SLC36A1: variants seen among roughly 807,000 people sequenced by gnomAD.
SLC36A1 encodes proton-coupled amino acid transporter 1.
Under a neutral mutation model 47.5 loss-of-function variants are expected in SLC36A1, and 30 were observed. The observed-to-expected ratio is 0.63, with a 90% confidence interval of 0.47 to 0.86. SLC36A1 has a LOEUF of 0.86. Among genes scored for constraint, SLC36A1 ranks in the 40% least tolerant of loss-of-function variants. The pLI, the probability that SLC36A1 is intolerant of heterozygous loss-of-function variation, is 0.00. For synonymous variants in SLC36A1, 255 were observed against 249.7 expected (o/e 1.02, Z -0.20); for missense variants, 517 against 606.0 (o/e 0.85, Z 1.54).
chr5:151,506,004 G>A, the SLC36A1 span: 64 of 1,575,884 alleles, frequency 4.1e-5, no homozygotes, highest in Middle Eastern at 8.5e-4. Context: ...AGCCGAGGGC[G>A]GCAGAGGGCC....
At chr5:151,493,980 T>C (rs1489901710), downstream of SLC36A1, among the ~76,000 whole-genome samples, 2 of 152,206 alleles carry the variant, frequency 1.3e-5, no homozygotes, top group East Asian at 1.9e-4. Context: ...GATGTCTTGC[T>C]CACTTCCTCT....
the SLC36A1 span, chr5:151,507,694 A>G: frequency 7.8e-7 from 1 of 1,285,210 alleles, no homozygotes; most frequent in South Asian, 1.5e-5. Flanking sequence ...TGGGATAGAG[A>G]CTGCTCCCCC....
At chr5:151,468,687 C>T (rs1756928544) in intron 7 of SLC36A1, among the ~76,000 whole-genome samples, 4 of 151,814 alleles carry the variant, frequency 2.6e-5, no homozygotes, top group Non-Finnish European at 5.9e-5. Context: ...GCCAAACCTT[C>T]CTGGGGGGCA....
At chr5:151,420,476 A>G in the SLC36A1 span, among the ~76,000 whole-genome samples, 81 of 152,258 alleles carry the variant, frequency 5.3e-4, no homozygotes, top group African/African-American at 1.9e-3. Context: ...GAGACCATGC[A>G]CACTGCTGGT....
the SLC36A1 span, among the ~76,000 whole-genome samples, chr5:151,407,044 G>T: frequency 6.6e-6 from 1 of 150,604 alleles, no homozygotes; most frequent in African/African-American, 2.4e-5. Context: ...AGAGTTGTTT[G>T]TTCCTCCCAG....
At chr5:151,531,937 T>G in the SLC36A1 span, 1 of 1,614,082 alleles carries the variant, frequency 6.2e-7, no homozygotes, top group East Asian at 2.2e-5. The surrounding 1 kb of genome is among the most constrained non-coding windows in gnomAD (Gnocchi z 5.7). Flanking sequence ...TTCGGCTGAA[T>G]CCGGCAGAGA....
the SLC36A1 span, among the ~76,000 whole-genome samples, chr5:151,354,506 A>C: frequency 6.6e-6 from 1 of 152,260 alleles, no homozygotes; most frequent in East Asian, 1.9e-4. Context: ...TCTGTGTTTC[A>C]TGCATGCACA....
At chr5:151,418,213 C>T in the SLC36A1 span, among the ~76,000 whole-genome samples, 2 of 152,212 alleles carry the variant, frequency 1.3e-5, no homozygotes, top group African/African-American at 4.8e-5. Flanking sequence ...TCTGCTAGGG[C>T]AGTGAGGAAG....
At chr5:151,552,134 CT>C in the SLC36A1 span, among the ~76,000 whole-genome samples, 56 of 151,810 alleles carry the variant, frequency 3.7e-4, no homozygotes, top group African/African-American at 1.3e-3. Flanking sequence ...TGCTTATTTA[CT>C]TATTTATAGA....
At chr5:151,390,254 GTTGT>G in the SLC36A1 span, among the ~76,000 whole-genome samples, 3 of 152,146 alleles carry the variant, frequency 2.0e-5, no homozygotes, top group African/African-American at 7.2e-5. Context: ...TGTTGATGGG[GTTGT>G]TTGTTTTTTT....
the SLC36A1 span, chr5:151,534,491 G>C: frequency 6.2e-7 from 1 of 1,614,082 alleles, no homozygotes; most frequent in Non-Finnish European, 8.5e-7. Context: ...CACAGTGGCT[G>C]GGGAAGAACC....
chr5:151,385,556 G>A, the SLC36A1 span, among the ~76,000 whole-genome samples: 1 of 152,118 alleles, frequency 6.6e-6, no homozygotes. Flanking sequence ...AGTAATAGTG[G>A]CCAGGATGGG....
chr5:151,410,520 A>C, the SLC36A1 span, among the ~76,000 whole-genome samples: 3 of 143,856 alleles, frequency 2.1e-5, no homozygotes, highest in Admixed American at 6.8e-5. Flanking sequence ...TTGGTGAATA[A>C]ATTATATATG....
chr5:151,525,768 C>T, the SLC36A1 span: 1 of 1,614,182 alleles, frequency 6.2e-7, no homozygotes. Context: ...CAGCTCTCAC[C>T]TGGATCTGAA....
At chr5:151,414,787 T>C in the SLC36A1 span, 1 of 152,182 alleles carries the variant, frequency 6.6e-6, no homozygotes, top group Admixed American at 6.5e-5. Flanking sequence ...TGGGAGAAGA[T>C]TGTTTTAAAA....
the SLC36A1 span, among the ~76,000 whole-genome samples, chr5:151,395,768 AG>A: frequency 4.3e-4 from 65 of 152,288 alleles, no homozygotes; most frequent in African/African-American, 1.4e-3. Flanking sequence ...ATTATGACAT[AG>A]GAAACACTCA....
At chr5:151,542,760 G>A in the SLC36A1 span, 36 of 1,614,192 alleles carry the variant, frequency 2.2e-5, 1 homozygote, top group Admixed American at 3.3e-5. Context: ...TGTCATTGAC[G>A]TCTCCCACTT....
chr5:151,379,426 C>T, the SLC36A1 span, among the ~76,000 whole-genome samples: 39 of 152,302 alleles, frequency 2.6e-4, no homozygotes, highest in East Asian at 6.2e-3. Context: ...CTCCGCCTCC[C>T]GGGTTCAAGC....
intron 10 of SLC36A1, among the ~76,000 whole-genome samples, chr5:151,485,351 G>T (rs984178121): frequency 1.3e-5 from 2 of 152,172 alleles, no homozygotes; most frequent in African/African-American, 4.8e-5. Context: ...TCTGAGACTC[G>T]ATATCCTTGT....
Sources: allele counts gnomAD v4.1 joint callset (sites outside exome capture counted in the v4.1 genomes callset), GRCh38; gene constraint gnomAD v4.1.1; non-coding constraint Gnocchi (gnomAD v3.1); transcripts MANE v1.5; gene names NCBI Gene and HGNC (gene_info 2026-07-23, HGNC 2026-07-21).